SAMD8: variants seen among roughly 807,000 people sequenced by gnomAD.
SAMD8 encodes the protein sphingomyelin synthase-related protein 1.
In SAMD8, 20 loss-of-function variants were observed where a neutral mutation model predicts 42.0. The observed-to-expected ratio is 0.48, with a 90% CI of 0.34 to 0.69. SAMD8 has a LOEUF of 0.69. Ranked by LOEUF, SAMD8 falls within the 30% of genes least tolerant of loss-of-function variation. The pLI is 0.01. For synonymous variants in SAMD8, 162 were observed against 173.0 expected, an observed-to-expected ratio of 0.94 and a Z score of 0.50; for missense variants, 328 against 511.6, an observed-to-expected ratio of 0.64 and a Z score of 3.46.
intron 1 of SAMD8, among the ~76,000 whole-genome samples, chr10:75,146,969 C>T (rs72805347): frequency 0.031 from 4,664 of 152,242 alleles, 110 homozygotes; most frequent in Middle Eastern, 0.082. Flanking sequence ...CATGCACTGA[C>T]CTGATAAAGC....
intron 1 of SAMD8, among the ~76,000 whole-genome samples, chr10:75,100,868 C>T (rs1398090888): frequency 6.6e-6 from 1 of 152,274 alleles, no homozygotes; most frequent in Non-Finnish European, 1.5e-5. Context: ...TGCAGCCTCC[C>T]ATGACGCTGC....
intron 1 of SAMD8, among the ~76,000 whole-genome samples, chr10:75,104,710 A>G (rs1486364463): frequency 1.3e-5 from 2 of 152,204 alleles, no homozygotes; most frequent in East Asian, 3.9e-4. Flanking sequence ...CCCAGCTATA[A>G]CCCAAAGTTT....
chr10:75,139,804 C>G (rs1210897050), intron 1 of SAMD8, among the ~76,000 whole-genome samples: 2 of 152,144 alleles, frequency 1.3e-5, no homozygotes, highest in Non-Finnish European at 2.9e-5. Flanking sequence ...CTGTCCCCGA[C>G]CTAGAGAAAT....
At chr10:75,110,244 C>T (rs904575180), upstream of SAMD8, among the ~76,000 whole-genome samples, 3 of 152,234 alleles carry the variant, frequency 2.0e-5, no homozygotes, top group Admixed American at 2.0e-4. Flanking sequence ...CTTTGAGAGC[C>T]AAAGGGGCTA....
chr10:75,171,391 T>C (rs1214763228), intron 4 of SAMD8, among the ~76,000 whole-genome samples: 1 of 150,500 alleles, frequency 6.6e-6, no homozygotes, highest in Admixed American at 6.6e-5. Context: ...ATGGTCTCGA[T>C]CTCCTGACCT....
rs1840277300 is a variant in SAMD8, at chr10:75,151,053, G to A, written c.525G>A (p.Glu175=). The A allele has an allele frequency of 1.3e-6, 2 of 1,573,790 alleles. No homozygotes were observed. Among genetic ancestry groups the A allele is most frequent in the African/African-American group, 1.4e-5 (1 of 73,568 alleles). ...CTTTCATTATGGTTATAGTCCATGAGCGAGTGCCTGACATGCAGACCTATC... is the reference window on the plus strand; with the variant it reads ...CTTTCATTATGGTTATAGTCCATGAACGAGTGCCTGACATGCAGACCTATC... The part of the protein sequence containing the change: ...FTSFIMVIVH[E]RVPDMQTYPP... The change falls in exon 2 of 6, where the codon GAG becomes GAA. Residue 175 remains glutamate, a synonymous_variant. Transcript: ENST00000542569.
chr10:75,115,102 G>T (rs1229869201), intron 1 of SAMD8, among the ~76,000 whole-genome samples: 3 of 152,146 alleles, frequency 2.0e-5, no homozygotes, highest in African/African-American at 4.8e-5. Flanking sequence ...GGAGAGCCTT[G>T]ATTATTTTCA....
At chr10:75,106,585 C>T (rs1227491770) in intron 1 of SAMD8, among the ~76,000 whole-genome samples, 1 of 152,186 alleles carries the variant, frequency 6.6e-6, no homozygotes. Context: ...CCCCACCTTC[C>T]CGATCCTCTG....
chr10:75,172,737 C>A (rs1840899682), intron 4 of SAMD8, among the ~76,000 whole-genome samples: 1 of 152,026 alleles, frequency 6.6e-6, no homozygotes, highest in African/African-American at 2.4e-5. Context: ...ACCCCATGAT[C>A]CACCTGCCTC....
chr10:75,165,617 G>T (rs1228939258), intron 3 of SAMD8, among the ~76,000 whole-genome samples: 1 of 150,846 alleles, frequency 6.6e-6, no homozygotes, highest in Admixed American at 6.6e-5. Context: ...CTTGCAGTGA[G>T]CCGAGATTGT....
At chr10:75,159,080 A>G in intron 2 of SAMD8, among the ~76,000 whole-genome samples, 1 of 76,104 alleles carries the variant, frequency 1.3e-5, no homozygotes, top group Non-Finnish European at 2.3e-5. Context: ...TTTTTTTGAG[A>G]CAGAGTCTCA....
At chr10:75,136,037 TCTG>T (rs1456391613) in intron 1 of SAMD8, among the ~76,000 whole-genome samples, 2 of 152,110 alleles carry the variant, frequency 1.3e-5, no homozygotes, top group Non-Finnish European at 2.9e-5. Flanking sequence ...ACTAAGCTCT[TCTG>T]CTGCACTGAG....
chr10:75,163,116 G>A (rs949051443), intron 2 of SAMD8, among the ~76,000 whole-genome samples: 3 of 152,020 alleles, frequency 2.0e-5, no homozygotes, highest in African/African-American at 7.2e-5. Flanking sequence ...TAGTAGAGAC[G>A]GGGTTTAACC....
At position 75,178,329 on chromosome 10, in the gene SAMD8, T is replaced by G. The variant is rs1053598488; in HGVS notation, c.*1637T>G. On this transcript the variant is annotated 3_prime_UTR_variant, in exon 6 of 6. Coordinates refer to ENST00000542569, the MANE Select transcript of SAMD8 (RefSeq NM_001174156.2). ...TTAAATCTCACAACTCAGAATCTGA[T>G]ATCTTAAATCACTGATTCTGTTACA... 1.2e-4 allele frequency: 18 copies of G among 152,234 alleles called. No homozygotes were observed. Among genetic ancestry groups the G allele is most frequent in the African/African-American group, 3.1e-4 (13 of 41,446 alleles). 9.4% of individuals were successfully genotyped at this position (152,234 alleles called of 1,614,324 possible).
upstream of SAMD8, among the ~76,000 whole-genome samples, chr10:75,108,771 T>C (rs1848672867): frequency 6.6e-6 from 1 of 152,152 alleles, no homozygotes; most frequent in Non-Finnish European, 1.5e-5. Flanking sequence ...AAATGTTTCC[T>C]GGAACTCCTG....
chr10:75,181,434 C>A lies in SAMD8; in HGVS notation c.*4742C>A, dbSNP rs1035311509. The A allele has an allele frequency of 1.4e-5, 2 of 145,476 alleles. No individual in the cohort carries two copies. Among genetic ancestry groups the A allele is most frequent in the African/African-American group, 5.2e-5 (2 of 38,528 alleles). The allele number at this position is 145,476 out of a possible 1,614,324, so 9.0% of individuals were successfully genotyped here. On this transcript the variant is annotated 3_prime_UTR_variant, in exon 6 of 6. Transcript: ENST00000542569. Reference sequence around the variant, plus strand: ...GTTTTGGACCCCCTTCTCACCTCACCCGGATGTAATGCCACCAATTTCAAA... The same window carrying A: ...GTTTTGGACCCCCTTCTCACCTCACACGGATGTAATGCCACCAATTTCAAA...
chr10:75,179,760 A>G lies in SAMD8; in HGVS notation c.*3068A>G, dbSNP rs187762063. 6.6e-6 allele frequency: 1 copy of G among 152,314 alleles called. No homozygotes were observed. The highest frequency in any genetic ancestry group is 6.5e-5 in the Admixed American group (1 of 15,296). The allele number at this position is 152,314 out of a possible 1,614,324, so 9.4% of individuals were successfully genotyped here. On this transcript the variant is annotated 3_prime_UTR_variant, in exon 6 of 6. Coordinates refer to ENST00000542569, the MANE Select transcript of SAMD8 (RefSeq NM_001174156.2). ...TTTTCCTGGTTAAAATCTAAACCATAGTGAAGATAGTATTTATGTTTACAT... is the reference window on the plus strand; with the variant it reads ...TTTTCCTGGTTAAAATCTAAACCATGGTGAAGATAGTATTTATGTTTACAT...
intron 4 of SAMD8, among the ~76,000 whole-genome samples, chr10:75,169,946 A>G (rs1185732281): frequency 6.6e-6 from 1 of 152,202 alleles, no homozygotes; most frequent in African/African-American, 2.4e-5. Flanking sequence ...AGAAAGTTGC[A>G]GTTTGACGAC....
intron 3 of SAMD8, among the ~76,000 whole-genome samples, chr10:75,166,351 A>T (rs540108892): frequency 6.6e-6 from 1 of 151,834 alleles, no homozygotes; most frequent in Non-Finnish European, 1.5e-5. Flanking sequence ...AGAGCTCCTG[A>T]GGGGCTTTTT....
Sources: gnomAD v4.1 joint callset for allele counts (sites outside exome capture counted in the v4.1 genomes callset) on GRCh38, gnomAD v4.1.1 for gene constraint, MANE v1.5 for transcripts, NCBI Gene and HGNC (gene_info 2026-07-23, HGNC 2026-07-21) for gene names.